The following TAB2 variants were observed in gnomAD, a reference collection of about 807,000 sequenced individuals.
The protein encoded by TAB2 is TGF-beta-activated kinase 1 and MAP3K7-binding protein 2.
A neutral mutation model predicts 65.0 loss-of-function variants in TAB2; 3 were observed. The observed-to-expected ratio is 0.05, with a 90% CI of 0.02 to 0.12. TAB2 has a LOEUF of 0.12. Ranked by LOEUF, TAB2 falls within the 10% of genes least tolerant of loss-of-function variation. The pLI, the probability that TAB2 is intolerant of heterozygous loss-of-function variation, is 1.00. For missense variants in TAB2, 623 were observed against 840.3 expected (o/e 0.74, Z 3.20); for synonymous variants, 298 against 285.1 (o/e 1.05, Z -0.46).
At chr6:149,285,502 C>A (rs1157598317) in intron 1 of TAB2, among the ~76,000 whole-genome samples, 1 of 152,200 alleles carries the variant, frequency 6.6e-6, no homozygotes, top group Admixed American at 6.5e-5. Flanking sequence ...GTTGCCCCTA[C>A]TGACTGCAAA....
At chr6:149,345,505 A>T (rs1433966512) in intron 1 of TAB2, among the ~76,000 whole-genome samples, 2 of 152,042 alleles carry the variant, frequency 1.3e-5, no homozygotes, top group Non-Finnish European at 2.9e-5. Context: ...GAATACAAGT[A>T]ATATTATAGA....
chr6:149,357,993 G>A (rs763724044), intron 1 of TAB2, among the ~76,000 whole-genome samples: 2 of 152,112 alleles, frequency 1.3e-5, no homozygotes, highest in African/African-American at 2.4e-5. Flanking sequence ...GAGCCATCAC[G>A]CCCGGCCTTT....
At chr6:149,275,222 G>A (rs1156300563) in intron 1 of TAB2, among the ~76,000 whole-genome samples, 1 of 110,230 alleles carries the variant, frequency 9.1e-6, no homozygotes, top group South Asian at 2.8e-4. Context: ...GGCGGGGGAG[G>A]GGGGAGAGAG....
At chr6:149,261,407 T>C (rs1490711083) in intron 1 of TAB2, among the ~76,000 whole-genome samples, 1 of 152,226 alleles carries the variant, frequency 6.6e-6, no homozygotes, top group Non-Finnish European at 1.5e-5. Context: ...AAGCACAGTA[T>C]TTTCATCTTT....
intron 1 of TAB2, among the ~76,000 whole-genome samples, chr6:149,341,557 T>C (rs779482291): frequency 1.4e-4 from 21 of 152,194 alleles, no homozygotes; most frequent in Non-Finnish European, 2.2e-4. Flanking sequence ...GGTAGTGATA[T>C]TCCATTTAAT....
chr6:149,260,360 T>A (rs1778126669), intron 1 of TAB2, among the ~76,000 whole-genome samples: 1 of 152,186 alleles, frequency 6.6e-6, no homozygotes, highest in Non-Finnish European at 1.5e-5. Flanking sequence ...CGCAGCCTTC[T>A]CAGGGTTCGG....
Position 149,379,530 on chromosome 6 carries a change from A to G in TAB2, c.1603+12A>G. ...TGCCTACACACAAGGTAATATGAAT[A>G]CTAAAGGTGGGATGGTTTTCCATGC... is the stretch of plus-strand genomic sequence containing the variant. On this transcript the variant is annotated intron_variant, in intron 3 of 6. Coordinates refer to ENST00000637181, the MANE Select transcript of TAB2 (RefSeq NM_001292034.3). 6.2e-7 allele frequency: 1 copy of G among 1,613,870 alleles called. No individual in the cohort carries two copies. Among genetic ancestry groups the G allele is most frequent in the Non-Finnish European group, 8.5e-7 (1 of 1,179,784 alleles).
intron 1 of TAB2, chr6:149,245,401 A>G (rs779419814): frequency 2.6e-5 from 4 of 152,172 alleles, no homozygotes; most frequent in Non-Finnish European, 4.4e-5. Context: ...CTTTTTTCTC[A>G]TATCAGATAA....
At chr6:149,325,881 AG>A (rs758954689) in intron 1 of TAB2, among the ~76,000 whole-genome samples, 138 of 152,310 alleles carry the variant, frequency 9.1e-4, no homozygotes, top group Non-Finnish European at 1.4e-3. Context: ...CTGGGATTAC[AG>A]ATGCGTACCA....
chr6:149,409,141 CAAAA>C (rs967008193), intron 6 of TAB2, among the ~76,000 whole-genome samples: 1 of 151,816 alleles, frequency 6.6e-6, no homozygotes, highest in South Asian at 2.1e-4. Context: ...CATGAATTGA[CAAAA>C]AAAACTGCCC....
chr6:149,343,510 G>T, intron 1 of TAB2, among the ~76,000 whole-genome samples: 1 of 151,668 alleles, frequency 6.6e-6, no homozygotes, highest in African/African-American at 2.4e-5. Flanking sequence ...TTCAGTAATT[G>T]GAAATTAGAC....
At chr6:149,367,683 T>C (rs1026222609) in intron 1 of TAB2, among the ~76,000 whole-genome samples, 1 of 152,150 alleles carries the variant, frequency 6.6e-6, no homozygotes, top group African/African-American at 2.4e-5. Flanking sequence ...CTAGATGAAT[T>C]ATGATGGTGG....
At chr6:149,341,632 T>C (rs1780130278) in intron 1 of TAB2, among the ~76,000 whole-genome samples, 1 of 152,180 alleles carries the variant, frequency 6.6e-6, no homozygotes, top group African/African-American at 2.4e-5. Flanking sequence ...TAGACTTCTC[T>C]CTCACAGAAT....
intron 1 of TAB2, among the ~76,000 whole-genome samples, chr6:149,287,415 G>T (rs1313427679): frequency 6.6e-6 from 1 of 151,150 alleles, no homozygotes; most frequent in Non-Finnish European, 1.5e-5. Context: ...TATTAAATCG[G>T]TAGAAATAAT....
At chr6:149,266,706 A>G (rs1778271489) in intron 1 of TAB2, among the ~76,000 whole-genome samples, 1 of 152,208 alleles carries the variant, frequency 6.6e-6, no homozygotes, top group Non-Finnish European at 1.5e-5. Flanking sequence ...TAGAGCACGA[A>G]TGTGGTGGCT....
chr6:149,362,167 C>T (rs1780872789), intron 1 of TAB2, among the ~76,000 whole-genome samples: 1 of 152,324 alleles, frequency 6.6e-6, no homozygotes, highest in East Asian at 1.9e-4. Context: ...AGTAGTGCCC[C>T]ATTCCCAGTA....
chr6:149,359,017 G>A (rs926889530), intron 1 of TAB2, among the ~76,000 whole-genome samples: 1 of 151,294 alleles, frequency 6.6e-6, no homozygotes, highest in Non-Finnish European at 1.5e-5. Context: ...ATATCTTATT[G>A]TTATGATTTC....
chr6:149,319,608 T>G (rs777458166), intron 1 of TAB2, among the ~76,000 whole-genome samples: 4 of 152,228 alleles, frequency 2.6e-5, no homozygotes, highest in African/African-American at 4.8e-5. Flanking sequence ...AAAATTCCAG[T>G]GATTCAGAAC....
At chr6:149,264,400 G>A (rs77394887) in intron 1 of TAB2, among the ~76,000 whole-genome samples, 1,955 of 152,244 alleles carry the variant, frequency 0.013, 40 homozygotes, top group African/African-American at 0.044. Flanking sequence ...CTCCTCCCTC[G>A]GAGGCCTAAT....
Sources: allele counts gnomAD v4.1 joint callset (sites outside exome capture counted in the v4.1 genomes callset), GRCh38; gene constraint gnomAD v4.1.1; transcripts MANE v1.5; gene names NCBI Gene and HGNC (gene_info 2026-07-23, HGNC 2026-07-21).